The following GMDS variants were observed in gnomAD, a reference collection of about 807,000 sequenced individuals.
The protein encoded by GMDS is GDP-mannose 4,6 dehydratase.
Under a neutral mutation model 49.9 loss-of-function variants are expected in GMDS, and 20 were observed. The observed-to-expected ratio is 0.40, with a 90% CI of 0.28 to 0.58. GMDS has a LOEUF of 0.58. GMDS is among the 20% of genes least tolerant of loss of function. GMDS has a pLI of 0.42. For missense variants in GMDS, 362 were observed against 481.4 expected (o/e 0.75, Z 2.32); for synonymous variants, 177 against 178.6 (o/e 0.99, Z 0.07).
chr6:1,896,174 C>T (rs1760168162), intron 7 of GMDS, among the ~76,000 whole-genome samples: 1 of 152,104 alleles, frequency 6.6e-6, no homozygotes, highest in East Asian at 1.9e-4. Flanking sequence ...TAGCTTGGAC[C>T]ATTCATTGTT....
At chr6:1,871,384 C>T (rs780718922) in intron 7 of GMDS, among the ~76,000 whole-genome samples, 2 of 152,252 alleles carry the variant, frequency 1.3e-5, no homozygotes, top group South Asian at 2.1e-4. Context: ...ATGACGTCTA[C>T]AGAGAATGTA....
At chr6:2,055,013 G>T (rs1486797377) in intron 4 of GMDS, among the ~76,000 whole-genome samples, 1 of 151,926 alleles carries the variant, frequency 6.6e-6, no homozygotes, top group African/African-American at 2.4e-5. Context: ...TTGTAAAAAA[G>T]AATCTAATAA....
intron 7 of GMDS, among the ~76,000 whole-genome samples, chr6:1,879,263 GAGGAGGA>G (rs1759248440): frequency 6.6e-6 from 1 of 152,192 alleles, no homozygotes; most frequent in African/African-American, 2.4e-5. Flanking sequence ...ACATACAAGT[GAGGAGGA>G]CTTGAGCACA....
chr6:1,921,386 C>T (rs562709991), intron 7 of GMDS, among the ~76,000 whole-genome samples: 3 of 152,248 alleles, frequency 2.0e-5, no homozygotes, highest in Admixed American at 6.5e-5. Context: ...CAATTTAAAA[C>T]GGGCTCTACA....
Position 2,099,105 on chromosome 6 carries a change from C to T in GMDS, c.345+16666G>A, listed in dbSNP as rs192971999. Reference sequence around the variant, plus strand: ...TACTTTTTGTTCTCTAAGTCATCTACGTTTAACCACTATTTTTACATTATA... The same window carrying T: ...TACTTTTTGTTCTCTAAGTCATCTATGTTTAACCACTATTTTTACATTATA... On this transcript the variant is annotated intron_variant, in intron 4 of 10. Coordinates refer to ENST00000380815, the MANE Select transcript of GMDS (RefSeq NM_001500.4). Among the ~76,000 whole-genome samples, 11 of 152,158 alleles carry T rather than the reference C, an allele frequency of 7.2e-5. No homozygotes were observed. The South Asian group carries it at 8.3e-4, about 11-fold the overall frequency.
At chr6:1,709,025 CCT>C (rs781599532) in intron 9 of GMDS, among the ~76,000 whole-genome samples, 6 of 152,288 alleles carry the variant, frequency 3.9e-5, no homozygotes, top group African/African-American at 7.2e-5. Context: ...TCTGATGTCC[CCT>C]GATTGCCGAG....
intron 1 of GMDS, among the ~76,000 whole-genome samples, chr6:2,139,742 CCACACCGCCAGAAGTTCAACAA>C (rs1345620539): frequency 5.3e-5 from 8 of 152,150 alleles, no homozygotes; most frequent in Admixed American, 5.2e-4. Context: ...ATCCACTATT[CCACACCGCCAGAAGTTCAACAA>C]CAGCACAGGG....
chr6:1,691,471 T>C (rs1765172578), intron 9 of GMDS, among the ~76,000 whole-genome samples: 1 of 152,052 alleles, frequency 6.6e-6, no homozygotes, highest in Admixed American at 6.5e-5. Flanking sequence ...TTCACCTAAG[T>C]AACAAACCTG....
At chr6:2,012,798 G>C (rs1341532615) in intron 4 of GMDS, among the ~76,000 whole-genome samples, 2 of 152,170 alleles carry the variant, frequency 1.3e-5, no homozygotes, top group South Asian at 4.2e-4. Flanking sequence ...CCAACTTAGA[G>C]GAGTCCCCAC....
chr6:1,658,710 G>T (rs1241170288), intron 9 of GMDS, among the ~76,000 whole-genome samples: 6 of 152,258 alleles, frequency 3.9e-5, no homozygotes, highest in African/African-American at 1.4e-4. Context: ...GAATATTTAA[G>T]TTGCTTGAGA....
intron 1 of GMDS, among the ~76,000 whole-genome samples, chr6:2,145,233 C>A (rs1022519614): frequency 6.6e-6 from 1 of 152,088 alleles, no homozygotes; most frequent in Admixed American, 6.6e-5. Flanking sequence ...ATCTAAGAAG[C>A]CTTAAATATC....
intron 4 of GMDS, among the ~76,000 whole-genome samples, chr6:2,039,739 T>C (rs1030997436): frequency 2.0e-5 from 3 of 152,130 alleles, no homozygotes; most frequent in Non-Finnish European, 4.4e-5. Flanking sequence ...GGAGCTGTCG[T>C]CTCCTATGAT....
chr6:2,216,716 T>C (rs1780350775), intron 1 of GMDS, among the ~76,000 whole-genome samples: 1 of 149,746 alleles, frequency 6.7e-6, no homozygotes, highest in African/African-American at 2.5e-5. Context: ...ATACAAATTT[T>C]CTAAGGAGGA....
At chr6:2,120,340 A>T (rs1041908660) in intron 2 of GMDS, among the ~76,000 whole-genome samples, 20 of 152,260 alleles carry the variant, frequency 1.3e-4, no homozygotes, top group African/African-American at 4.8e-4. Context: ...ATAAAAGCTT[A>T]GCCTTTTTTT....
At chr6:1,917,282 C>T (rs1761453371) in intron 7 of GMDS, among the ~76,000 whole-genome samples, 1 of 152,210 alleles carries the variant, frequency 6.6e-6, no homozygotes, top group Non-Finnish European at 1.5e-5. Flanking sequence ...AAACATGGCA[C>T]AGTATCATGG....
chr6:2,035,741 C>A (rs188551532), intron 4 of GMDS, among the ~76,000 whole-genome samples: 1 of 151,954 alleles, frequency 6.6e-6, no homozygotes, highest in Non-Finnish European at 1.5e-5. Flanking sequence ...GGCTGGAGTG[C>A]AATGGTGCAA....
chr6:2,036,704 C>T (rs1271749407), intron 4 of GMDS, among the ~76,000 whole-genome samples: 1 of 152,142 alleles, frequency 6.6e-6, no homozygotes, highest in African/African-American at 2.4e-5. Flanking sequence ...ATAGGATATA[C>T]TGAGAATAAG....
chr6:2,222,505 A>C (rs1345680089), intron 1 of GMDS, among the ~76,000 whole-genome samples: 1 of 152,244 alleles, frequency 6.6e-6, no homozygotes, highest in Non-Finnish European at 1.5e-5. Context: ...GAATGTAAAC[A>C]ATAGAAGCTT....
At chr6:2,104,953 C>G (rs551136374) in intron 4 of GMDS, among the ~76,000 whole-genome samples, 1 of 151,912 alleles carries the variant, frequency 6.6e-6, no homozygotes, top group Non-Finnish European at 1.5e-5. Context: ...GAGGCTGAGG[C>G]GGGCAGATCA....
Sources: gnomAD v4.1 joint callset for allele counts (sites outside exome capture counted in the v4.1 genomes callset) on GRCh38, gnomAD v4.1.1 for gene constraint, MANE v1.5 for transcripts, NCBI Gene and HGNC (gene_info 2026-07-23, HGNC 2026-07-21) for gene names.